DPYD: variants seen among roughly 807,000 people sequenced by gnomAD.
The protein encoded by DPYD is dihydropyrimidine dehydrogenase [NADP(+)].
Under a neutral mutation model 116.2 loss-of-function variants are expected in DPYD, and 109 were observed. The ratio of observed to expected loss-of-function variants is 0.94; its 90% confidence interval spans 0.80 to 1.10. The LOEUF is 1.10. Among genes scored for constraint, DPYD ranks in the 50% least tolerant of loss-of-function variants. The pLI is 0.00. For synonymous variants in DPYD, 440 were observed against 432.0 expected, an observed-to-expected ratio of 1.02 and a Z score of -0.23; for missense variants, 1,302 against 1,254.5, an observed-to-expected ratio of 1.04 and a Z score of -0.57.
At chr1:97,374,090 A>T (rs185122179) in intron 15 of DPYD, among the ~76,000 whole-genome samples, 6 of 152,326 alleles carry the variant, frequency 3.9e-5, no homozygotes, top group Non-Finnish European at 1.5e-5. Flanking sequence ...CACAAATCTT[A>T]CTAATTATGG....
At chr1:97,551,033 A>G (rs1651282994) in intron 11 of DPYD, among the ~76,000 whole-genome samples, 1 of 152,138 alleles carries the variant, frequency 6.6e-6, no homozygotes, top group African/African-American at 2.4e-5. Flanking sequence ...ATTTGTCCAC[A>G]CTGCTTGCCT....
intron 18 of DPYD, among the ~76,000 whole-genome samples, chr1:97,290,748 G>C (rs1484498904): frequency 6.6e-6 from 1 of 151,844 alleles, no homozygotes; most frequent in African/African-American, 2.4e-5. Flanking sequence ...ACAAAACCTA[G>C]GCATTACCAT....
At position 97,828,238 on chromosome 1, in the gene DPYD, G is replaced by A. The variant is rs529338075; in HGVS notation, c.151-42C>T. 4.4e-6 allele frequency: 7 copies of A among 1,583,208 alleles called. No homozygotes were observed. The South Asian group carries it at 7.8e-5, about 18-fold the overall frequency. The stretch of plus-strand genomic sequence containing the variant: ...AATTGCATTAATTCTCTAAGATCCT[G>A]AGAAAAATTGTATCTATGCAGTTAT... On this transcript the variant is annotated intron_variant, in intron 2 of 22. Transcript: ENST00000370192.
chr1:97,490,075 T>C (rs1391533277), intron 13 of DPYD, among the ~76,000 whole-genome samples: 5 of 152,052 alleles, frequency 3.3e-5, no homozygotes. Flanking sequence ...ATAATTATAC[T>C]ACCTCTACTC....
rs371372674 is a variant in DPYD at position 97,619,588 on chromosome 1, T to G, written c.851-24422A>C. Among the ~76,000 whole-genome samples the G allele has an allele frequency of 1.1e-4, 16 of 152,298 alleles. 1 individual carries two copies. In the South Asian group the frequency reaches 3.1e-3, roughly 30 times the overall value. ...TTATCAATGCAAGGGAAACACCGGT[T>G]ACAAAGTTAATGTTAACGACCATTG... On this transcript the variant is annotated intron_variant, in intron 8 of 22. Transcript: ENST00000370192.
rs1323127014 is a variant in DPYD, at chr1:97,305,113, C to T, written c.2299+146G>A. Reference sequence around the variant, plus strand: ...GTCACTTGAGCTTTCATATTCAATCCGTTCTGTCATAACTATTAGGAATAT... The same window carrying T: ...GTCACTTGAGCTTTCATATTCAATCTGTTCTGTCATAACTATTAGGAATAT... On this transcript the variant is annotated intron_variant, in intron 18 of 22. Transcript: ENST00000370192. 4.2e-5 allele frequency: 49 copies of T among 1,172,502 alleles called. No homozygotes were observed. The Admixed American group carries it at 4.5e-4, about 11-fold the overall frequency. 72.6% of individuals were successfully genotyped at this position (1,172,502 alleles called of 1,614,324 possible).
intron 4 of DPYD, among the ~76,000 whole-genome samples, chr1:97,732,952 T>C (rs541001969): frequency 2.6e-5 from 4 of 152,268 alleles, no homozygotes; most frequent in South Asian, 2.1e-4. Context: ...ATAACTGTAA[T>C]GTCAAGGAGA....
intron 18 of DPYD, among the ~76,000 whole-genome samples, chr1:97,260,081 T>C (rs778072018): frequency 1.3e-5 from 2 of 152,148 alleles, no homozygotes; most frequent in African/African-American, 2.4e-5. Context: ...CAAAAAGCGC[T>C]GTAGGTTATA....
At chr1:97,330,963 A>G (rs2101159013) in intron 16 of DPYD, among the ~76,000 whole-genome samples, 1 of 152,334 alleles carries the variant, frequency 6.6e-6, no homozygotes, top group East Asian at 1.9e-4. Flanking sequence ...CTAAATATTC[A>G]TTACTTAGAT....
At chr1:97,832,747 T>G (rs1415111970) in intron 2 of DPYD, among the ~76,000 whole-genome samples, 1 of 152,172 alleles carries the variant, frequency 6.6e-6, no homozygotes, top group East Asian at 1.9e-4. Flanking sequence ...AGGGAAGGTC[T>G]AGAGTTTCAA....
intron 14 of DPYD, among the ~76,000 whole-genome samples, chr1:97,442,564 CTATT>C (rs1239136021): frequency 6.6e-6 from 1 of 151,614 alleles, no homozygotes; most frequent in African/African-American, 2.4e-5. Context: ...AAAGAACTCA[CTATT>C]TAAGTGTTTT....
chr1:97,575,116 G>A (rs1653181649), intron 10 of DPYD, among the ~76,000 whole-genome samples: 2 of 152,198 alleles, frequency 1.3e-5, no homozygotes, highest in South Asian at 4.1e-4. Flanking sequence ...GGAGGGTTAA[G>A]TGGGGACTGA....
chr1:97,517,251 A>G (rs1648298391), intron 12 of DPYD, among the ~76,000 whole-genome samples: 1 of 152,034 alleles, frequency 6.6e-6, no homozygotes. Flanking sequence ...ATTTCTGAAT[A>G]TTGGTTAGTC....
chr1:97,379,531 G>C (rs894330741), intron 15 of DPYD, among the ~76,000 whole-genome samples: 9 of 152,124 alleles, frequency 5.9e-5, no homozygotes, highest in African/African-American at 1.9e-4. Flanking sequence ...GTAACTGTCC[G>C]CTCTCACAGA....
chr1:97,277,556 G>A (rs1252059815), intron 18 of DPYD, among the ~76,000 whole-genome samples: 1 of 152,052 alleles, frequency 6.6e-6, no homozygotes, highest in African/African-American at 2.4e-5. Flanking sequence ...ACTATTTGAA[G>A]TTATTTATAA....
At chr1:97,599,732 G>C (rs893852404) in intron 8 of DPYD, among the ~76,000 whole-genome samples, 1 of 150,694 alleles carries the variant, frequency 6.6e-6, no homozygotes, top group South Asian at 2.1e-4. Context: ...TCACAGAAAT[G>C]GGTGATGCTG....
At chr1:97,466,249 C>T (rs1677316536) in intron 13 of DPYD, among the ~76,000 whole-genome samples, 1 of 152,082 alleles carries the variant, frequency 6.6e-6, no homozygotes, top group African/African-American at 2.4e-5. Flanking sequence ...TAAATTGATT[C>T]CTGCAGAAGG....
intron 5 of DPYD, chr1:97,700,387 A>G (rs1661532302): frequency 2.4e-6 from 1 of 410,812 alleles, no homozygotes; most frequent in Admixed American, 3.0e-5. Flanking sequence ...AGAAAACCCT[A>G]TGGTCCAGGA....
intron 20 of DPYD, among the ~76,000 whole-genome samples, chr1:97,118,537 A>G (rs1303513395): frequency 6.6e-6 from 1 of 152,196 alleles, no homozygotes; most frequent in Non-Finnish European, 1.5e-5. Context: ...GGCATCAAAA[A>G]AACATGGTTC....
Sources: gnomAD v4.1 joint callset for allele counts (sites outside exome capture counted in the v4.1 genomes callset) on GRCh38, gnomAD v4.1.1 for gene constraint, MANE v1.5 for transcripts, NCBI Gene and HGNC (gene_info 2026-07-23, HGNC 2026-07-21) for gene names.